Variants in MALRD1 observed in about 807,000 individuals in gnomAD.
MALRD1 encodes MAM and LDL-receptor class A domain-containing protein 1.
Under a neutral mutation model 242.1 loss-of-function variants are expected in MALRD1, and 247 were observed. The ratio of observed to expected loss-of-function variants is 1.02; its 90% CI spans 0.92 to 1.13. The LOEUF is 1.13. Among genes scored for constraint, MALRD1 ranks in the 50% most tolerant of loss-of-function variants. MALRD1 has a pLI of 0.00. For missense variants in MALRD1, 2,989 were observed against 2,533.1 expected, an observed-to-expected ratio of 1.18 and a Z score of -3.86; for synonymous variants, 995 against 866.6, an observed-to-expected ratio of 1.15 and a Z score of -2.60.
At chr10:19,468,645 A>T (rs1836345677) in intron 29 of MALRD1, among the ~76,000 whole-genome samples, 1 of 151,978 alleles carries the variant, frequency 6.6e-6, no homozygotes, top group Non-Finnish European at 1.5e-5. Context: ...GCTAGGGAAT[A>T]TCTGAAACAG....
rs530567321 is a variant in MALRD1 at position 19,617,274 on chromosome 10, A to C, written c.6137+1351A>C. On this transcript the variant is annotated intron_variant, in intron 36 of 39. Transcript: ENST00000454679. The stretch of plus-strand genomic sequence containing the variant: ...AACTTCTCTCAAATGGGAGAACTCT[A>C]AGGTGAGGGAGATGAGACAGAGAAT... 3.3e-5 allele frequency among the ~76,000 whole-genome samples: 5 copies of C among 152,130 alleles called. No homozygotes were observed. In the East Asian group the frequency reaches 7.7e-4, roughly 24 times the overall value.
intron 14 of MALRD1, among the ~76,000 whole-genome samples, chr10:19,178,457 G>T (rs1318004078): frequency 1.3e-5 from 2 of 152,104 alleles, no homozygotes; most frequent in Non-Finnish European, 2.9e-5. Flanking sequence ...ATGGCCAAAG[G>T]TTTACCCAGA....
chr10:19,293,089 C>G (rs1362857252), intron 21 of MALRD1, among the ~76,000 whole-genome samples: 1 of 152,028 alleles, frequency 6.6e-6, no homozygotes, highest in Non-Finnish European at 1.5e-5. Flanking sequence ...ATTGCCTTCT[C>G]TGGTAAGAAG....
At chr10:19,237,953 A>ATAAATAAATTTATATAGTTATATATAAT (rs1564491323) in intron 18 of MALRD1, among the ~76,000 whole-genome samples, 1 of 50,958 alleles carries the variant, frequency 2.0e-5, no homozygotes. Context: ...TATATAAATT[A>ATAAATAAATTTATATAGTTATATATAAT]TATGTAATTT....
At chr10:19,346,245 C>T (rs889917174) in intron 24 of MALRD1, among the ~76,000 whole-genome samples, 3 of 152,112 alleles carry the variant, frequency 2.0e-5, no homozygotes, top group African/African-American at 7.2e-5. Flanking sequence ...TGCAATAGAA[C>T]TTGGACATTC....
At chr10:19,053,309 T>G (rs1834563862) in intron 1 of MALRD1, among the ~76,000 whole-genome samples, 1 of 152,226 alleles carries the variant, frequency 6.6e-6, no homozygotes, top group Non-Finnish European at 1.5e-5. Flanking sequence ...TAAACAGGGC[T>G]TTCATTTGCT....
intron 5 of MALRD1, among the ~76,000 whole-genome samples, chr10:19,122,122 G>A (rs56204109): frequency 0.07 from 10,725 of 152,210 alleles, 457 homozygotes; most frequent in South Asian, 0.13. Flanking sequence ...GTATGAGCAT[G>A]GCCAGGGAGT....
chr10:19,380,312 A>G (rs1845785346), intron 26 of MALRD1, among the ~76,000 whole-genome samples: 1 of 142,144 alleles, frequency 7.0e-6, no homozygotes, highest in Non-Finnish European at 1.5e-5. Context: ...ACCCTTTATT[A>G]CTGCAAAATG....
intron 31 of MALRD1, among the ~76,000 whole-genome samples, chr10:19,530,254 G>T (rs1485602570): frequency 1.4e-5 from 2 of 147,694 alleles, no homozygotes; most frequent in Non-Finnish European, 3.0e-5. Flanking sequence ...ACCTAAAATT[G>T]CTCTAAAAAA....
In MALRD1 at chr10:19,137,510, G is replaced by A. The variant is rs560312469; in HGVS notation, c.1411+729G>A. On this transcript the variant is annotated intron_variant, in intron 10 of 39. Coordinates refer to ENST00000454679, the MANE Select transcript of MALRD1 (RefSeq NM_001142308.3). Reference sequence around the variant, plus strand: ...AATCACAGCTACTTGGGAGGCTGAGGTAGGAGAACTGCCTGAACATGGGAG... The same window carrying A: ...AATCACAGCTACTTGGGAGGCTGAGATAGGAGAACTGCCTGAACATGGGAG... 2.6e-5 allele frequency among the ~76,000 whole-genome samples: 4 copies of A among 151,500 alleles called. No homozygotes were observed. In the South Asian group the frequency reaches 6.3e-4, roughly 24 times the overall value.
At chr10:19,150,296 G>A (rs1317366515) in intron 11 of MALRD1, among the ~76,000 whole-genome samples, 3 of 151,848 alleles carry the variant, frequency 2.0e-5, no homozygotes, top group Non-Finnish European at 2.9e-5. Context: ...TGCGACCTTC[G>A]GGAAATGTTC....
intron 21 of MALRD1, among the ~76,000 whole-genome samples, chr10:19,296,025 C>T (rs930107417): frequency 2.6e-5 from 4 of 151,984 alleles, no homozygotes; most frequent in African/African-American, 9.7e-5. Context: ...TTGAAACATA[C>T]TGATACCCAG....
chr10:19,627,580 A>G lies in MALRD1; in HGVS notation c.6137+11657A>G, dbSNP rs536796340. Among the ~76,000 whole-genome samples, 27 of 152,068 alleles carry G rather than the reference A, an allele frequency of 1.8e-4. No homozygotes were observed. In the South Asian group the frequency reaches 5.6e-3, roughly 32 times the overall value. On this transcript the variant is annotated intron_variant, in intron 36 of 39. Transcript: ENST00000454679. ...ATGAAACCCCATCTCTTCTAAAAATATAAAAATACAATTACAAAAAAATAC... is the reference window on the plus strand; with the variant it reads ...ATGAAACCCCATCTCTTCTAAAAATGTAAAAATACAATTACAAAAAAATAC...
At chr10:19,272,376 G>T (rs1840289869) in intron 19 of MALRD1, among the ~76,000 whole-genome samples, 1 of 152,052 alleles carries the variant, frequency 6.6e-6, no homozygotes, top group Non-Finnish European at 1.5e-5. Flanking sequence ...GGAGTTTGTG[G>T]AATATAAACC....
intron 38 of MALRD1, among the ~76,000 whole-genome samples, chr10:19,720,912 G>A (rs953021930): frequency 7.9e-5 from 12 of 152,192 alleles, no homozygotes; most frequent in African/African-American, 2.6e-4. Context: ...ATTTGAGACT[G>A]TGAGTTACAT....
At chr10:19,347,713 T>C (rs1844193962) in intron 24 of MALRD1, 58 bp from the exon 25 acceptor site, 1 of 1,527,740 alleles carries the variant, frequency 6.5e-7, no homozygotes, top group African/African-American at 1.4e-5. Context: ...TTGAATTGCA[T>C]GTTTTAAAGT....
intron 18 of MALRD1, among the ~76,000 whole-genome samples, chr10:19,231,638 A>G (rs1246135701): frequency 3.3e-5 from 5 of 152,102 alleles, no homozygotes; most frequent in African/African-American, 4.8e-5. Flanking sequence ...CTCTGCTACC[A>G]TTTAAGATGT....
intron 22 of MALRD1, among the ~76,000 whole-genome samples, chr10:19,325,289 T>A (rs546116845): frequency 3.3e-5 from 5 of 152,160 alleles, no homozygotes; most frequent in African/African-American, 1.2e-4. Flanking sequence ...AACCTCCATG[T>A]CTCTCTAAAA....
chr10:19,279,743 C>T (rs931631753), intron 19 of MALRD1, among the ~76,000 whole-genome samples: 1 of 152,210 alleles, frequency 6.6e-6, no homozygotes, highest in African/African-American at 2.4e-5. Flanking sequence ...ATCTGAAACT[C>T]CCTTGGTTCC....
Sources: allele counts gnomAD v4.1 joint callset (sites outside exome capture counted in the v4.1 genomes callset), GRCh38; gene constraint gnomAD v4.1.1; transcripts MANE v1.5; gene names NCBI Gene and HGNC (gene_info 2026-07-23, HGNC 2026-07-21).